Variants in CAMKMT observed in about 807,000 individuals in gnomAD.
CAMKMT encodes calmodulin-lysine N-methyltransferase, also known as CaM KMT.
Under a neutral mutation model 48.0 loss-of-function variants are expected in CAMKMT, and 53 were observed. That is an observed-to-expected ratio of 1.10 (90% CI 0.89 to 1.39). The LOEUF (loss-of-function observed/expected upper bound fraction) is 1.39, where lower values mean the gene tolerates loss of function less well. Among genes scored for constraint, CAMKMT ranks in the 40% most tolerant of loss-of-function variants. The pLI, the probability that CAMKMT is intolerant of heterozygous loss-of-function variation, is 0.00. For missense variants in CAMKMT, 428 were observed against 402.7 expected, an observed-to-expected ratio of 1.06 and a Z score of -0.54; for synonymous variants, 165 against 152.3, an observed-to-expected ratio of 1.08 and a Z score of -0.61.
chr2:44,362,050 C>G lies in CAMKMT; in HGVS notation c.43C>G (p.Arg15Gly), dbSNP rs1328931293. ...VADAGTGETA[R>G]AAGGSPAVGC... ...GGACGCTGGGACCGGCGAGACCGCGCGAGCAGCGGGCGGGAGTCCGGCAGT... is the reference window on the plus strand; with the variant it reads ...GGACGCTGGGACCGGCGAGACCGCGGGAGCAGCGGGCGGGAGTCCGGCAGT... Residue 15 changes from arginine to glycine, a missense_variant, in exon 1 of 11, where the codon CGA becomes GGA. Coordinates refer to ENST00000378494, the MANE Select transcript of CAMKMT (RefSeq NM_024766.5). 7.0e-7 allele frequency: 1 copy of G among 1,432,514 alleles called. No individual in the cohort carries two copies. Among genetic ancestry groups the G allele is most frequent in the African/African-American group, 1.5e-5 (1 of 66,254 alleles). 88.7% of individuals were successfully genotyped at this position (1,432,514 alleles called of 1,614,324 possible).
intron 3 of CAMKMT, among the ~76,000 whole-genome samples, chr2:44,406,497 G>A (rs1326754209): frequency 6.6e-6 from 1 of 151,870 alleles, no homozygotes; most frequent in Non-Finnish European, 1.5e-5. Flanking sequence ...GTCTTTGTGT[G>A]TGTGTGTGTT....
At chr2:44,757,109 C>T (rs1471534713) in intron 9 of CAMKMT, among the ~76,000 whole-genome samples, 1 of 152,242 alleles carries the variant, frequency 6.6e-6, no homozygotes, top group Non-Finnish European at 1.5e-5. Context: ...GCCTGGCTTA[C>T]AGGAGGTGCT....
At chr2:44,456,130 A>G (rs940071445) in intron 3 of CAMKMT, among the ~76,000 whole-genome samples, 3 of 152,208 alleles carry the variant, frequency 2.0e-5, no homozygotes, top group Non-Finnish European at 4.4e-5. Context: ...AGTCAGGTCA[A>G]CATGAATCCA....
intron 3 of CAMKMT, among the ~76,000 whole-genome samples, chr2:44,611,278 A>G (rs926955722): frequency 6.6e-6 from 1 of 151,966 alleles, no homozygotes; most frequent in Non-Finnish European, 1.5e-5. Context: ...CTTAAAATAC[A>G]AAAAATTAGC....
intron 3 of CAMKMT, among the ~76,000 whole-genome samples, chr2:44,608,447 C>T (rs1362109530): frequency 1.3e-5 from 2 of 151,966 alleles, no homozygotes; most frequent in African/African-American, 4.8e-5. Flanking sequence ...TTATGGGGCA[C>T]CTATTGACAT....
chr2:44,610,895 C>G (rs899343913), intron 3 of CAMKMT, among the ~76,000 whole-genome samples: 1 of 152,112 alleles, frequency 6.6e-6, no homozygotes, highest in Non-Finnish European at 1.5e-5. Flanking sequence ...ATCAAACTTT[C>G]TAATCTCCCT....
chr2:44,642,310 G>C (rs886355110), intron 3 of CAMKMT, among the ~76,000 whole-genome samples: 2 of 152,112 alleles, frequency 1.3e-5, no homozygotes, highest in African/African-American at 4.8e-5. Flanking sequence ...AGAAGATAAG[G>C]GTGCAGAGAA....
At chr2:44,630,960 C>T (rs549021843) in intron 3 of CAMKMT, among the ~76,000 whole-genome samples, 5,295 of 151,538 alleles carry the variant, frequency 0.035, 244 homozygotes, top group African/African-American at 0.11. Flanking sequence ...ATGTTTATTG[C>T]GGCACTATTC....
intron 3 of CAMKMT, among the ~76,000 whole-genome samples, chr2:44,601,268 C>A (rs1199357574): frequency 4.6e-5 from 7 of 152,006 alleles, no homozygotes; most frequent in Non-Finnish European, 7.4e-5. Context: ...ACCAGCCTGA[C>A]CAACATGGAG....
chr2:44,684,063 G>A (rs568280271), intron 3 of CAMKMT, among the ~76,000 whole-genome samples: 98 of 152,216 alleles, frequency 6.4e-4, no homozygotes, highest in African/African-American at 2.2e-3. Flanking sequence ...AACGTTCTGG[G>A]TTTGAAGCCA....
chr2:44,543,611 G>T (rs1667246624), intron 3 of CAMKMT, among the ~76,000 whole-genome samples: 1 of 152,004 alleles, frequency 6.6e-6, no homozygotes. Context: ...AGTTTTGAGT[G>T]GTCCAACCCA....
chr2:44,644,427 T>G (rs1260331062), intron 3 of CAMKMT, among the ~76,000 whole-genome samples: 1 of 152,204 alleles, frequency 6.6e-6, no homozygotes, highest in African/African-American at 2.4e-5. Context: ...CTCTAAAAAA[T>G]TATCACGTTT....
At position 44,556,461 on chromosome 2, in the gene CAMKMT, T is replaced by C. The variant is rs1668015487; in HGVS notation, c.377-147822T>C. The stretch of plus-strand genomic sequence containing the variant: ...GCCAATTTTTCTTTCTTTTTTTTTT[T>C]TTTTTTTTTTTTTTTTTTTGAGACG... On this transcript the variant is annotated intron_variant, in intron 3 of 10. Coordinates refer to ENST00000378494, the MANE Select transcript of CAMKMT (RefSeq NM_024766.5). Among the ~76,000 whole-genome samples the C allele has an allele frequency of 1.3e-4, 5 of 39,262 alleles. 1 individual carries two copies. The highest frequency in any genetic ancestry group is 4.5e-4 in the Admixed American group (2 of 4,444). The allele number at this position is 39,262 out of a possible 152,430, so 25.8% of individuals were successfully genotyped here. A position where few individuals can be genotyped will look rare whatever the true frequency, so the allele number is the denominator to read the frequency against.
At chr2:44,723,036 T>C (rs529264997) in intron 7 of CAMKMT, among the ~76,000 whole-genome samples, 1 of 152,206 alleles carries the variant, frequency 6.6e-6, no homozygotes, top group South Asian at 2.1e-4. Flanking sequence ...AGAGCTGGGA[T>C]CAGTTTTAAA....
intron 3 of CAMKMT, among the ~76,000 whole-genome samples, chr2:44,448,627 C>A (rs1038073544): frequency 7.2e-5 from 11 of 152,212 alleles, no homozygotes; most frequent in African/African-American, 2.4e-4. Flanking sequence ...AAAAAAAGTC[C>A]ACCCAACTAA....
chr2:44,718,857 T>C (rs980768814), intron 7 of CAMKMT, among the ~76,000 whole-genome samples: 21 of 152,224 alleles, frequency 1.4e-4, no homozygotes, highest in Non-Finnish European at 2.9e-4. Flanking sequence ...TAGTAAACTA[T>C]GGAACTTGTG....
chr2:44,467,001 A>C (rs922143678), intron 3 of CAMKMT, among the ~76,000 whole-genome samples: 2 of 152,238 alleles, frequency 1.3e-5, no homozygotes, highest in Admixed American at 1.3e-4. Context: ...CTGTAATCCC[A>C]GCACCTTGGG....
chr2:44,385,880 A>AT (rs1680737103), intron 2 of CAMKMT, among the ~76,000 whole-genome samples: 1 of 152,080 alleles, frequency 6.6e-6, no homozygotes, highest in Admixed American at 6.5e-5. Flanking sequence ...GTTAACTGGT[A>AT]TTTTGTTAAA....
chr2:44,369,231 A>G (rs1375617294), intron 1 of CAMKMT, among the ~76,000 whole-genome samples: 1 of 152,126 alleles, frequency 6.6e-6, no homozygotes, highest in Non-Finnish European at 1.5e-5. Flanking sequence ...AAATAAAGAA[A>G]ACCTTCAAAG....
Sources: allele counts gnomAD v4.1 joint callset (sites outside exome capture counted in the v4.1 genomes callset), GRCh38; gene constraint gnomAD v4.1.1; transcripts MANE v1.5; gene names NCBI Gene and HGNC (gene_info 2026-07-23, HGNC 2026-07-21).